The following IQCM variants were observed in gnomAD, a reference collection of about 807,000 sequenced individuals.
IQCM encodes the protein IQ motif containing M.
IQCM carries 45 observed loss-of-function variants against 57.6 expected under a neutral mutation model. The observed-to-expected ratio is 0.78, with a 90% CI of 0.62 to 1.00. The LOEUF is 1.00. Among genes scored for constraint, IQCM ranks in the 50% least tolerant of loss-of-function variants. The pLI, the probability that IQCM is intolerant of heterozygous loss-of-function variation, is 0.00. For missense variants in IQCM, 468 were observed against 511.6 expected (o/e 0.91, Z 0.82); for synonymous variants, 148 against 158.9 (o/e 0.93, Z 0.51).
chr4:149,358,374 T>C (rs1391844115), intron 13 of IQCM, among the ~76,000 whole-genome samples: 1 of 152,198 alleles, frequency 6.6e-6, no homozygotes, highest in African/African-American at 2.4e-5. Context: ...CTTTCTCTTG[T>C]GGGCATTTAG....
At chr4:149,684,900 C>T (rs1762441076) in intron 6 of IQCM, among the ~76,000 whole-genome samples, 1 of 151,334 alleles carries the variant, frequency 6.6e-6, no homozygotes, top group African/African-American at 2.4e-5. Flanking sequence ...GAAGCTCAGG[C>T]TTTACATGCC....
intron 5 of IQCM, among the ~76,000 whole-genome samples, chr4:149,718,115 C>T (rs1214612383): frequency 6.6e-6 from 1 of 152,178 alleles, no homozygotes; most frequent in Non-Finnish European, 1.5e-5. Context: ...AAGTTTAATC[C>T]TGGGAGAGGA....
At chr4:149,608,966 C>A (rs1474737532) in intron 8 of IQCM, among the ~76,000 whole-genome samples, 3 of 151,296 alleles carry the variant, frequency 2.0e-5, no homozygotes, top group Admixed American at 2.0e-4. Flanking sequence ...AAGATGGTAT[C>A]TTAAAAGGAC....
chr4:149,633,500 G>T (rs542278594), intron 7 of IQCM, among the ~76,000 whole-genome samples: 1 of 152,248 alleles, frequency 6.6e-6, no homozygotes, highest in South Asian at 2.1e-4. Flanking sequence ...ACTAATAATT[G>T]AAAATTGATG....
intron 12 of IQCM, among the ~76,000 whole-genome samples, chr4:149,478,214 T>C (rs1278396494): frequency 6.6e-6 from 1 of 152,066 alleles, no homozygotes; most frequent in East Asian, 1.9e-4. Flanking sequence ...CGGTGTGACT[T>C]GAAATAAGTG....
At chr4:149,727,251 T>C (rs554186562) in intron 5 of IQCM, among the ~76,000 whole-genome samples, 261 of 152,284 alleles carry the variant, frequency 1.7e-3, no homozygotes, top group African/African-American at 5.1e-3. Flanking sequence ...CATGTCTAAT[T>C]GCCTCCTCAA....
chr4:149,767,703 G>C, intron 2 of IQCM, among the ~76,000 whole-genome samples: 1 of 151,976 alleles, frequency 6.6e-6, no homozygotes, highest in East Asian at 1.9e-4. Flanking sequence ...TATGGTAACT[G>C]CACTTTTTCA....
intron 13 of IQCM, among the ~76,000 whole-genome samples, chr4:149,354,572 T>A (rs1351513007): frequency 1.3e-5 from 2 of 151,860 alleles, no homozygotes; most frequent in African/African-American, 2.4e-5. Context: ...TTTCCTATTA[T>A]GAATTTCTTT....
chr4:149,404,465 C>T (rs1322821767), intron 13 of IQCM, among the ~76,000 whole-genome samples: 5 of 151,964 alleles, frequency 3.3e-5, no homozygotes, highest in Non-Finnish European at 7.4e-5. Context: ...AGAGTTCAAA[C>T]GTTATGTCTG....
chr4:149,762,289 G>C (rs970050331), intron 2 of IQCM, among the ~76,000 whole-genome samples: 2 of 151,166 alleles, frequency 1.3e-5, no homozygotes, highest in African/African-American at 4.9e-5. Flanking sequence ...GGGTAGGGAG[G>C]ACAGGCCTCA....
chr4:149,680,774 T>C (rs780541598), intron 7 of IQCM, among the ~76,000 whole-genome samples: 1 of 151,494 alleles, frequency 6.6e-6, no homozygotes, highest in Non-Finnish European at 1.5e-5. Context: ...GCCTTTTCCA[T>C]TCACAATTTC....
chr4:149,728,482 A>T (rs1383306792), intron 5 of IQCM, among the ~76,000 whole-genome samples: 1 of 152,144 alleles, frequency 6.6e-6, no homozygotes, highest in Non-Finnish European at 1.5e-5. Flanking sequence ...TGAATATCTG[A>T]ACTAAGTTTT....
intron 13 of IQCM, among the ~76,000 whole-genome samples, chr4:149,409,855 T>G (rs902999890): frequency 1.3e-5 from 2 of 152,158 alleles, no homozygotes; most frequent in Admixed American, 1.3e-4. Context: ...CCAGCTGGCC[T>G]TATTCACACT....
Position 149,367,585 on chromosome 4 carries a change from G to A in IQCM, c.1391-15519C>T, listed in dbSNP as rs540794063. 5.9e-5 allele frequency among the ~76,000 whole-genome samples: 9 copies of A among 151,894 alleles called. No individual in the cohort carries two copies. In the East Asian group the frequency reaches 1.7e-3, roughly 29 times the overall value. On this transcript the variant is annotated intron_variant, in intron 13 of 13. Transcript: ENST00000636793. The stretch of plus-strand genomic sequence containing the variant: ...TCTACTGATTAACATTTTCTTTGGT[G>A]CCCAGTTTTACCAACTAAAAATAAT...
At chr4:149,641,974 A>G (rs1758232431) in intron 7 of IQCM, among the ~76,000 whole-genome samples, 1 of 152,182 alleles carries the variant, frequency 6.6e-6, no homozygotes, top group South Asian at 2.1e-4. Flanking sequence ...AGATAAATTA[A>G]CCAACATTAA....
intron 7 of IQCM, among the ~76,000 whole-genome samples, chr4:149,654,631 T>G (rs1316544128): frequency 6.6e-6 from 1 of 152,160 alleles, no homozygotes; most frequent in Non-Finnish European, 1.5e-5. Flanking sequence ...TACTTCTTTA[T>G]AGCAATGCAA....
chr4:149,577,144 T>C (rs1165844907), intron 9 of IQCM, among the ~76,000 whole-genome samples: 2 of 152,048 alleles, frequency 1.3e-5, no homozygotes, highest in African/African-American at 4.8e-5. Context: ...CTCTGTCAGA[T>C]GCATAGTTTG....
intron 2 of IQCM, among the ~76,000 whole-genome samples, chr4:149,792,110 G>C (rs1772677888): frequency 6.6e-6 from 1 of 152,050 alleles, no homozygotes; most frequent in African/African-American, 2.4e-5. Context: ...AAACTGGTTT[G>C]CTAAGGAAAT....
intron 13 of IQCM, among the ~76,000 whole-genome samples, chr4:149,405,227 T>C (rs536705296): frequency 1.7e-4 from 26 of 152,212 alleles, no homozygotes; most frequent in Admixed American, 1.3e-4. Context: ...GTAGAGTGCT[T>C]GAAGGGTTTG....
Sources: allele counts gnomAD v4.1 joint callset (sites outside exome capture counted in the v4.1 genomes callset), GRCh38; gene constraint gnomAD v4.1.1; transcripts MANE v1.5; gene names NCBI Gene and HGNC (gene_info 2026-07-23, HGNC 2026-07-21).